Variants in MYRFL observed in about 807,000 individuals in gnomAD.
MYRFL encodes myelin regulatory factor-like protein.
Under a neutral mutation model 109.4 loss-of-function variants are expected in MYRFL, and 88 were observed. That is an observed-to-expected ratio of 0.80 (90% confidence interval 0.68 to 0.96). The LOEUF (loss-of-function observed/expected upper bound fraction) is 0.96, where lower values mean the gene tolerates loss of function less well. MYRFL is among the 40% of genes least tolerant of loss of function. MYRFL has a pLI of 0.00. For synonymous variants in MYRFL, 324 were observed against 320.9 expected (o/e 1.01, Z -0.10); for missense variants, 957 against 954.9 (o/e 1.00, Z -0.03).
chr12:69,912,488 C>A (rs1358876731), intron 13 of MYRFL, among the ~76,000 whole-genome samples: 2 of 152,142 alleles, frequency 1.3e-5, no homozygotes, highest in Non-Finnish European at 2.9e-5. Flanking sequence ...CTTTCCCTAG[C>A]CCCTGGCAAC....
chr12:69,935,012 C>CTGCCTCT (rs1955401760), intron 16 of MYRFL, among the ~76,000 whole-genome samples: 1 of 152,176 alleles, frequency 6.6e-6, no homozygotes, highest in Admixed American at 6.5e-5. Flanking sequence ...TCTCTGCCTC[C>CTGCCTCT]TGCCTCTATT....
intron 2 of MYRFL, among the ~76,000 whole-genome samples, chr12:69,875,328 G>GTTT (rs1455925331): frequency 6.6e-6 from 1 of 151,188 alleles, no homozygotes; most frequent in African/African-American, 2.4e-5. Context: ...TTTCTATTTA[G>GTTT]TTTTTTTATT....
intron 6 of MYRFL, among the ~76,000 whole-genome samples, chr12:69,887,403 G>C (rs1886525113): frequency 6.6e-6 from 1 of 152,134 alleles, no homozygotes; most frequent in African/African-American, 2.4e-5. Flanking sequence ...ATATTACCAA[G>C]TTCACTGACA....
intron 1 of MYRFL, among the ~76,000 whole-genome samples, chr12:69,842,647 T>C (rs1222653676): frequency 6.6e-6 from 1 of 152,210 alleles, no homozygotes; most frequent in East Asian, 1.9e-4. Context: ...CTCCTGGCTG[T>C]GGTCAGACTA....
At chr12:69,905,840 A>G (rs1197577461) in intron 11 of MYRFL, among the ~76,000 whole-genome samples, 2 of 152,238 alleles carry the variant, frequency 1.3e-5, no homozygotes, top group African/African-American at 4.8e-5. Context: ...TGTTTATTAC[A>G]GAGATGAGGG....
At chr12:69,899,183 A>G (rs1373639766) in intron 10 of MYRFL, among the ~76,000 whole-genome samples, 2 of 152,160 alleles carry the variant, frequency 1.3e-5, no homozygotes, top group Non-Finnish European at 2.9e-5. Context: ...CCCTAACAGC[A>G]TTGAGAAGAT....
At chr12:69,910,972 T>A in intron 13 of MYRFL, 42 bp downstream of exon 13, 1 of 1,406,696 alleles carries the variant, frequency 7.1e-7, no homozygotes, top group Non-Finnish European at 9.7e-7. Context: ...GCTATCAGTC[T>A]AGGGATAAAC....
At chr12:69,958,412 A>C (rs1385855287) in intron 24 of MYRFL, 33 bp from the exon 25 acceptor site, 15 of 1,505,444 alleles carry the variant, frequency 1.0e-5, no homozygotes, top group East Asian at 2.5e-5. Context: ...TTTTACATTA[A>C]TCTTCCTTTT....
intron 1 of MYRFL, among the ~76,000 whole-genome samples, chr12:69,854,216 G>C (rs1374092229): frequency 6.6e-6 from 1 of 152,096 alleles, no homozygotes; most frequent in African/African-American, 2.4e-5. Flanking sequence ...GTGGCGGCGC[G>C]TGCCTGCAAT....
intron 2 of MYRFL, among the ~76,000 whole-genome samples, chr12:69,877,030 T>C (rs867772132): frequency 0.038 from 5,309 of 139,480 alleles, 126 homozygotes; most frequent in Non-Finnish European, 0.05. Context: ...TTTCTTTTTT[T>C]TTTTTTTTTT....
chr12:69,891,480 G>A (rs1886799312), intron 7 of MYRFL, among the ~76,000 whole-genome samples: 1 of 152,146 alleles, frequency 6.6e-6, no homozygotes, highest in African/African-American at 2.4e-5. Flanking sequence ...ACTGCTCTAT[G>A]GGATAGCTTG....
Position 69,891,686 on chromosome 12 carries a change from G to GTTCTTTCT in MYRFL, c.903+523_903+524insTTTCTTTC, listed in dbSNP as rs1236346773. ...CTTTCTTTCTTTCTTTCTTTCTTTC[G>GTTCTTTCT]TTCGTTCGTTCTTTCTTTCTTTTTT... On this transcript the variant is annotated intron_variant, in intron 7 of 24. Transcript: ENST00000552032. Among the ~76,000 whole-genome samples, 354 of 67,818 alleles carry GTTCTTTCT rather than the reference G, an allele frequency of 5.2e-3. 12 individuals carry two copies. The highest frequency in any genetic ancestry group is 0.04 in the South Asian group (78 of 1,970). The allele number at this position is 67,818 out of a possible 152,430, so 44.5% of individuals were successfully genotyped here.
chr12:69,855,501 G>A (rs1884222149), intron 2 of MYRFL, 131 bp downstream of exon 2: 1 of 557,632 alleles, frequency 1.8e-6, no homozygotes. Context: ...TTATGTCTAT[G>A]GATCTTTGAC....
intron 1 of MYRFL, among the ~76,000 whole-genome samples, chr12:69,839,277 A>G (rs1417153856): frequency 6.6e-6 from 1 of 152,074 alleles, no homozygotes; most frequent in Non-Finnish European, 1.5e-5. Flanking sequence ...TAAACTAGTT[A>G]TCATCATCTC....
rs887384408 is a variant in MYRFL, at chr12:69,879,057, A to G, written c.167A>G (p.Tyr56Cys). 5.7e-6 allele frequency: 4 copies of G among 702,962 alleles called. No homozygotes were observed. In the Admixed American group the frequency reaches 8.0e-5, roughly 14 times the overall value. 43.5% of individuals were successfully genotyped at this position (702,962 alleles called of 1,614,324 possible). ...CGCCAGCTCCCAGACACCCCGCCCT[A>G]TTCTGCATCCGACTCATGCTCTCCT... ...LQRQLPDTPP[Y>C]SASDSCSPPQ... Residue 56 changes from tyrosine (Y) to cysteine (C), a missense_variant, in exon 3 of 25, where the codon TAT becomes TGT. Transcript: ENST00000552032.
In MYRFL at chr12:69,855,353, C is replaced by G. The variant is rs746951607; in HGVS notation, c.120C>G (p.Asp40Glu). Reference protein sequence around the residue: ...TSLLEEFLGNDFDLGALQRQL... With the variant: ...TSLLEEFLGNEFDLGALQRQL... The stretch of plus-strand genomic sequence containing the variant: ...TGTTGGAGGAATTTCTGGGCAATGA[C>G]TTTGATTTGGGGGCCTTGTAAGTAA... The change falls in exon 2 of 25, where the codon GAC (aspartate) becomes GAG (glutamate). Residue 40 changes from aspartate to glutamate, a missense_variant. Physicochemically the swap from Asp to Glu is conservative, Grantham distance 45. Transcript: ENST00000552032. 1.4e-6 allele frequency: 1 copy of G among 702,496 alleles called. No individual in the cohort carries two copies. Among genetic ancestry groups the G allele is most frequent in the East Asian group, 2.7e-5 (1 of 37,294 alleles). The allele number at this position is 702,496 out of a possible 1,614,324, so 43.5% of individuals were successfully genotyped here. A position where few individuals can be genotyped will look rare whatever the true frequency, so the allele number is the denominator to read the frequency against.
chr12:69,853,729 C>T (rs1193324457), intron 1 of MYRFL, among the ~76,000 whole-genome samples: 7 of 148,798 alleles, frequency 4.7e-5, no homozygotes, highest in Non-Finnish European at 1.0e-4. Flanking sequence ...CGGGAAGAGG[C>T]GCTCCTCACT....
In MYRFL at chr12:69,830,474, T is replaced by C. The variant is rs529342979; in HGVS notation, c.46+4911T>C. 6.1e-5 allele frequency among the ~76,000 whole-genome samples: 9 copies of C among 148,612 alleles called. No homozygotes were observed. In the South Asian group the frequency reaches 1.9e-3, roughly 31 times the overall value. The stretch of plus-strand genomic sequence containing the variant: ...GAGATAATACATTTATATAGATATA[T>C]AGAGATATCTATATATATATATATC... On this transcript the variant is annotated intron_variant, in intron 1 of 24. Coordinates refer to ENST00000552032, the MANE Select transcript of MYRFL (RefSeq NM_182530.3).
intron 1 of MYRFL, among the ~76,000 whole-genome samples, chr12:69,832,811 G>A (rs1391600984): frequency 6.6e-6 from 1 of 151,898 alleles, no homozygotes; most frequent in African/African-American, 2.4e-5. Flanking sequence ...AGGAGAACAG[G>A]CAGGGGCAGA....
Sources: allele counts gnomAD v4.1 joint callset (sites outside exome capture counted in the v4.1 genomes callset), GRCh38; gene constraint gnomAD v4.1.1; transcripts MANE v1.5; gene names NCBI Gene and HGNC (gene_info 2026-07-23, HGNC 2026-07-21).